Variants in ADAMTSL3 observed in about 807,000 individuals in gnomAD.
ADAMTSL3 encodes ADAMTS-like protein 3.
In ADAMTSL3, 128 loss-of-function variants were observed where a neutral mutation model predicts 201.7. That is an observed-to-expected ratio of 0.63 (90% confidence interval 0.55 to 0.73). The LOEUF is 0.73. ADAMTSL3 is among the 30% of genes least tolerant of loss of function. ADAMTSL3 has a pLI of 0.00. For missense variants in ADAMTSL3, 1,990 were observed against 2,119.6 expected (o/e 0.94, Z 1.20); for synonymous variants, 738 against 748.4 (o/e 0.99, Z 0.23).
chr15:83,934,826 A>T (rs2066431776), intron 17 of ADAMTSL3, among the ~76,000 whole-genome samples: 3 of 151,382 alleles, frequency 2.0e-5, no homozygotes, highest in African/African-American at 7.4e-5. Context: ...TTGGATAAAG[A>T]AAATATGGTA....
At position 83,942,620 on chromosome 15, in the gene ADAMTSL3, C is replaced by T. The variant is rs201026200; in HGVS notation, c.2142C>T (p.Pro714=). The change falls in exon 18 of 30, where the codon CCC becomes CCT. Residue 714 remains proline, a synonymous_variant. Transcript: ENST00000286744. Reference sequence around the variant, plus strand: ...GGTGGCATGTGGGCTCTTGGGGGCCCTGCTCAGCTACCTGTGGAGTTGGAA... The same window carrying T: ...GGTGGCATGTGGGCTCTTGGGGGCCTTGCTCAGCTACCTGTGGAGTTGGAA... ...PPRWHVGSWG[P]CSATCGVGIQ... The T allele has an allele frequency of 2.5e-6, 4 of 1,613,694 alleles. No homozygotes were observed. In the Admixed American group the frequency reaches 5.0e-5, roughly 20 times the overall value.
At chr15:83,861,200 C>T (rs2064849906) in intron 8 of ADAMTSL3, among the ~76,000 whole-genome samples, 1 of 152,188 alleles carries the variant, frequency 6.6e-6, no homozygotes, top group Non-Finnish European at 1.5e-5. Flanking sequence ...TCTGTAGACT[C>T]CACTTCTGGG....
chr15:83,919,167 C>T (rs1377189768), intron 16 of ADAMTSL3, among the ~76,000 whole-genome samples: 3 of 152,046 alleles, frequency 2.0e-5, no homozygotes, highest in Non-Finnish European at 2.9e-5. Flanking sequence ...TGAAGAGGAG[C>T]GGTCTGAACT....
At chr15:84,028,223 A>G (rs1286814128) in intron 27 of ADAMTSL3, among the ~76,000 whole-genome samples, 3 of 152,244 alleles carry the variant, frequency 2.0e-5, no homozygotes, top group Admixed American at 6.5e-5. Flanking sequence ...GGCAAATTGT[A>G]TAGTTTGTAA....
rs566277068 is a variant in ADAMTSL3 at position 83,769,313 on chromosome 15, G to A, written c.190-4210G>A. ...ACAAAATGAAAAATCAATTTCAGCT[G>A]TGTATATTTTAAACATTTACCTAAA... On this transcript the variant is annotated intron_variant, in intron 3 of 29. Coordinates refer to ENST00000286744, the MANE Select transcript of ADAMTSL3 (RefSeq NM_207517.3). Among the ~76,000 whole-genome samples, 22 of 152,270 alleles carry A rather than the reference G, an allele frequency of 1.4e-4. No homozygotes were observed. In the South Asian group the frequency reaches 3.3e-3, roughly 23 times the overall value.
intron 23 of ADAMTSL3, among the ~76,000 whole-genome samples, chr15:83,998,005 AG>A (rs780834308): frequency 2.6e-5 from 4 of 151,862 alleles, no homozygotes; most frequent in Non-Finnish European, 5.9e-5. Context: ...GTCCTCACCT[AG>A]TATTGGGAGG....
At chr15:83,810,048 C>T (rs536030276) in intron 5 of ADAMTSL3, among the ~76,000 whole-genome samples, 59 of 152,216 alleles carry the variant, frequency 3.9e-4, no homozygotes, top group South Asian at 1.0e-3. Flanking sequence ...TTTCTATCAA[C>T]GATGAAGCTG....
At position 83,732,157 on chromosome 15, in the gene ADAMTSL3, G is replaced by A. The variant is rs536310166; in HGVS notation, c.189+27649G>A. Among the ~76,000 whole-genome samples the A allele has an allele frequency of 2.0e-5, 3 of 152,142 alleles. No homozygotes were observed. The East Asian group carries it at 5.8e-4, about 29-fold the overall frequency. ...ATGTTGTACCTCTTACATATGTACA[G>A]CTTTTACTAAAAGAGAATCACAACA... On this transcript the variant is annotated intron_variant, in intron 3 of 29. Coordinates refer to ENST00000286744, the MANE Select transcript of ADAMTSL3 (RefSeq NM_207517.3).
intron 5 of ADAMTSL3, among the ~76,000 whole-genome samples, chr15:83,808,915 CAA>C (rs548968833): frequency 1.8e-4 from 17 of 96,784 alleles, no homozygotes; most frequent in Admixed American, 2.3e-4. Context: ...ACGTGGAATC[CAA>C]AAAAAAAAAA....
intron 3 of ADAMTSL3, among the ~76,000 whole-genome samples, chr15:83,767,364 CATG>C (rs2062909660): frequency 6.6e-6 from 1 of 152,178 alleles, no homozygotes; most frequent in Non-Finnish European, 1.5e-5. Flanking sequence ...CACAGAGTGA[CATG>C]ATATTGATTG....
At chr15:84,003,461 TC>T (rs2067836015) in intron 23 of ADAMTSL3, among the ~76,000 whole-genome samples, 1 of 152,234 alleles carries the variant, frequency 6.6e-6, no homozygotes, top group South Asian at 2.1e-4. Context: ...AGTCCAGGCT[TC>T]TAAAGAAATG....
At chr15:83,697,640 G>T (rs775385340) in intron 2 of ADAMTSL3, among the ~76,000 whole-genome samples, 2 of 152,172 alleles carry the variant, frequency 1.3e-5, no homozygotes, top group African/African-American at 4.8e-5. Context: ...GAAGAGATAC[G>T]TAGGGTGAGG....
intron 2 of ADAMTSL3, among the ~76,000 whole-genome samples, chr15:83,658,854 A>G (rs1333630820): frequency 6.6e-6 from 1 of 152,154 alleles, no homozygotes; most frequent in African/African-American, 2.4e-5. Flanking sequence ...CCTGAATTAC[A>G]ACGTGCCCCC....
Position 83,982,171 on chromosome 15 carries a change from GTT to G in ADAMTSL3, c.2645-100_2645-99del, listed in dbSNP as rs2067394880. 1.0e-5 allele frequency: 9 copies of G among 857,154 alleles called. No homozygotes were observed. The South Asian group carries it at 1.7e-4, about 16-fold the overall frequency. 53.1% of individuals were successfully genotyped at this position (857,154 alleles called of 1,614,324 possible). A position where few individuals can be genotyped will look rare whatever the true frequency, so the allele number is the denominator to read the frequency against. Reference sequence around the variant, plus strand: ...TGTTTTAAAATAGTAAAAAAGATACGTTTGTTAGCCTGTATCAGCCTTGAAAG... The same window carrying G: ...TGTTTTAAAATAGTAAAAAAGATACGTGTTAGCCTGTATCAGCCTTGAAAG... On this transcript the variant is annotated intron_variant, in intron 20 of 29. Coordinates refer to ENST00000286744, the MANE Select transcript of ADAMTSL3 (RefSeq NM_207517.3).
intron 27 of ADAMTSL3, among the ~76,000 whole-genome samples, chr15:84,030,466 A>G (rs1434269553): frequency 2.0e-5 from 3 of 152,202 alleles, no homozygotes; most frequent in African/African-American, 4.8e-5. Context: ...TATGGGGCCT[A>G]TAGTCCCATT....
At chr15:83,786,447 T>A (rs546445557) in intron 4 of ADAMTSL3, among the ~76,000 whole-genome samples, 171 of 152,316 alleles carry the variant, frequency 1.1e-3, no homozygotes, top group African/African-American at 4.0e-3. Flanking sequence ...TTTCTTTGTG[T>A]TATATACATT....
At chr15:83,667,488 G>T (rs951265574) in intron 2 of ADAMTSL3, among the ~76,000 whole-genome samples, 2 of 150,402 alleles carry the variant, frequency 1.3e-5, no homozygotes, top group Admixed American at 6.6e-5. Context: ...CAAGGAAATG[G>T]TGCCAGCTTC....
In ADAMTSL3 at chr15:83,770,844, C is replaced by T. The variant is rs559984906; in HGVS notation, c.190-2679C>T. 4.6e-5 allele frequency among the ~76,000 whole-genome samples: 7 copies of T among 152,114 alleles called. No homozygotes were observed. In the South Asian group the frequency reaches 6.2e-4, roughly 14 times the overall value. On this transcript the variant is annotated intron_variant, in intron 3 of 29. Coordinates refer to ENST00000286744, the MANE Select transcript of ADAMTSL3 (RefSeq NM_207517.3). ...GAGGACTTTGGGAGGCTGAGGCGGG[C>T]GGATTATGAGATCAGGTTCGAGACT...
At chr15:83,669,559 C>G (rs1471932603) in intron 2 of ADAMTSL3, among the ~76,000 whole-genome samples, 1 of 143,364 alleles carries the variant, frequency 7.0e-6, no homozygotes, top group Non-Finnish European at 1.5e-5. Flanking sequence ...GCTCTGCCTC[C>G]TGGGTTCACT....
Sources: allele counts gnomAD v4.1 joint callset (sites outside exome capture counted in the v4.1 genomes callset), GRCh38; gene constraint gnomAD v4.1.1; transcripts MANE v1.5; gene names NCBI Gene and HGNC (gene_info 2026-07-23, HGNC 2026-07-21).